KCNT2: variants seen among roughly 807,000 people sequenced by gnomAD.
KCNT2 encodes potassium sodium-activated channel subfamily T member 2.
A neutral mutation model predicts 153.8 loss-of-function variants in KCNT2; 67 were observed. The observed-to-expected ratio is 0.44, with a 90% confidence interval of 0.36 to 0.53. The LOEUF is 0.53. KCNT2 is among the 20% of genes least tolerant of loss of function. The probability of loss-of-function intolerance (pLI) is 0.00; values close to 1 mark genes in which losing one functional copy is unlikely to be tolerated. For missense variants in KCNT2, 975 were observed against 1,354.8 expected (o/e 0.72, Z 4.40); for synonymous variants, 500 against 458.8 (o/e 1.09, Z -1.15).
intron 1 of KCNT2, among the ~76,000 whole-genome samples, chr1:196,573,160 A>G (rs1660966041): frequency 6.6e-6 from 1 of 151,696 alleles, no homozygotes; most frequent in African/African-American, 2.4e-5. Context: ...AATGGTCTTA[A>G]CAATCTACAC....
intron 8 of KCNT2, among the ~76,000 whole-genome samples, chr1:196,443,674 AC>A (rs1327678835): frequency 2.6e-5 from 4 of 151,622 alleles, no homozygotes; most frequent in Non-Finnish European, 1.5e-5. Flanking sequence ...GCGTTAAGCT[AC>A]TGTGCTCTCC....
At chr1:196,368,270 T>G (rs367563667) in intron 14 of KCNT2, among the ~76,000 whole-genome samples, 6 of 152,166 alleles carry the variant, frequency 3.9e-5, no homozygotes, top group African/African-American at 1.4e-4. Context: ...GCAGAAGCAT[T>G]CCAGTCTCCG....
chr1:196,374,125 T>G (rs74136530), intron 13 of KCNT2, among the ~76,000 whole-genome samples: 2 of 151,816 alleles, frequency 1.3e-5, no homozygotes, highest in South Asian at 4.1e-4. Flanking sequence ...TTTTCCCAAA[T>G]AAACAAGTAT....
At chr1:196,577,281 G>T (rs1048586021) in intron 1 of KCNT2, among the ~76,000 whole-genome samples, 2 of 152,106 alleles carry the variant, frequency 1.3e-5, no homozygotes, top group Non-Finnish European at 2.9e-5. Context: ...TGATGAACAT[G>T]AGACAACAAA....
At chr1:196,428,031 C>T (rs902858443) in intron 10 of KCNT2, 74 bp downstream of exon 10, 3 of 1,136,474 alleles carry the variant, frequency 2.6e-6, no homozygotes, top group African/African-American at 1.5e-5. Flanking sequence ...GCAGGCTGCA[C>T]CATCAGTTAA....
chr1:196,356,665 T>G (rs1032286798), intron 14 of KCNT2, among the ~76,000 whole-genome samples: 2 of 151,870 alleles, frequency 1.3e-5, no homozygotes, highest in African/African-American at 4.8e-5. Flanking sequence ...AAGAATTTTT[T>G]CACAGTGAAT....
intron 8 of KCNT2, among the ~76,000 whole-genome samples, chr1:196,442,532 C>T (rs1675328986): frequency 1.3e-5 from 2 of 151,706 alleles, no homozygotes; most frequent in African/African-American, 2.4e-5. Flanking sequence ...AGAGTTATGA[C>T]TTCCGTTCAT....
chr1:196,373,333 G>T, intron 13 of KCNT2, 85 bp from the exon 14 acceptor site: 1 of 685,394 alleles, frequency 1.5e-6, no homozygotes, highest in Non-Finnish European at 2.6e-6. Context: ...TGAATAAAAT[G>T]GTAAAAGTCT....
chr1:196,555,026 G>C (rs768637526), intron 1 of KCNT2, among the ~76,000 whole-genome samples: 13 of 151,072 alleles, frequency 8.6e-5, no homozygotes, highest in Admixed American at 6.6e-4. Flanking sequence ...CTCACAGATA[G>C]TATCATACTG....
chr1:196,340,475 C>A lies in KCNT2; in HGVS notation c.1649G>T (p.Cys550Phe). 1 of 1,611,330 alleles carries A rather than the reference C, an allele frequency of 6.2e-7. No individual in the cohort carries two copies. Among genetic ancestry groups the A allele is most frequent in the South Asian group, 1.1e-5 (1 of 90,990 alleles). Residue 550 changes from cysteine (C) to phenylalanine (F), a missense_variant, in exon 16 of 28, where the codon TGC becomes TTC. Cys to Phe is a radical substitution (Grantham distance 205). This residue lies in a region of KCNT2 where 325 missense variants were observed against 388.1 expected (regional missense o/e 0.84). Transcript: ENST00000294725. ...TTCTTTGGTAATATTAATATAAAAG[C>A]ATATGTCTGTAGAATTCATAATGTA... Reference protein sequence around the residue: ...PRYIMNSTDICFYINITKEEN... With the variant: ...PRYIMNSTDIFFYINITKEEN...
chr1:196,438,521 C>G (rs1240579555), intron 8 of KCNT2, among the ~76,000 whole-genome samples: 1 of 151,774 alleles, frequency 6.6e-6, no homozygotes, highest in Admixed American at 6.6e-5. Context: ...CAAAGTAAAC[C>G]CATAATCTTT....
In KCNT2 at chr1:196,559,624, C is replaced by A. The variant is rs531702927; in HGVS notation, c.95+48591G>T. Among the ~76,000 whole-genome samples the A allele has an allele frequency of 7.9e-5, 12 of 151,870 alleles. No homozygotes were observed. In the South Asian group the frequency reaches 2.5e-3, roughly 31 times the overall value. On this transcript the variant is annotated intron_variant, in intron 1 of 27. Transcript: ENST00000294725. ...CTATTTTAGCAAAGTAAGAAAGTTTCTATTTTACTATATCCTCTTTCACAC... is the reference window on the plus strand; with the variant it reads ...CTATTTTAGCAAAGTAAGAAAGTTTATATTTTACTATATCCTCTTTCACAC...
intron 24 of KCNT2, 69 bp from the exon 25 acceptor site, chr1:196,281,057 T>C (rs1042966054): frequency 1.9e-5 from 24 of 1,252,022 alleles, no homozygotes; most frequent in African/African-American, 4.5e-5. Context: ...AACTTTACAT[T>C]TCTTTATTTG....
intron 13 of KCNT2, among the ~76,000 whole-genome samples, chr1:196,386,347 A>G (rs1234013079): frequency 6.6e-6 from 1 of 152,150 alleles, no homozygotes; most frequent in African/African-American, 2.4e-5. Flanking sequence ...TTTATACCAC[A>G]AAGTTTTGGG....
intron 26 of KCNT2, among the ~76,000 whole-genome samples, chr1:196,252,145 A>T (rs57962893): frequency 0.022 from 3,282 of 151,754 alleles, 100 homozygotes; most frequent in African/African-American, 0.074. Flanking sequence ...GTGAGTTTTT[A>T]AAAAAATTCT....
At chr1:196,309,380 T>A (rs1458010035) in intron 21 of KCNT2, among the ~76,000 whole-genome samples, 2 of 151,994 alleles carry the variant, frequency 1.3e-5, no homozygotes, top group African/African-American at 4.8e-5. Context: ...TACACATATA[T>A]GTAGCTAGAA....
intron 25 of KCNT2, among the ~76,000 whole-genome samples, chr1:196,261,626 C>T (rs773373775): frequency 6.6e-6 from 1 of 151,872 alleles, no homozygotes; most frequent in Non-Finnish European, 1.5e-5. Context: ...TATCACTAGA[C>T]TTCTGAATAA....
chr1:196,259,304 G>C (rs555490118), intron 25 of KCNT2, among the ~76,000 whole-genome samples: 9 of 152,036 alleles, frequency 5.9e-5, no homozygotes, highest in Non-Finnish European at 2.9e-5. Flanking sequence ...TTTAAAGTAA[G>C]ATGCTCTCCT....
chr1:196,343,628 AT>A (rs1476190202), intron 14 of KCNT2, among the ~76,000 whole-genome samples: 4 of 152,280 alleles, frequency 2.6e-5, no homozygotes, highest in Non-Finnish European at 4.4e-5. Flanking sequence ...GCTTTAAAAA[AT>A]ATCTATATTT....
Sources: allele counts gnomAD v4.1 joint callset (sites outside exome capture counted in the v4.1 genomes callset), GRCh38; gene constraint gnomAD v4.1.1; regional missense constraint gnomAD v4.1.1; transcripts MANE v1.5; gene names NCBI Gene and HGNC (gene_info 2026-07-23, HGNC 2026-07-21).